Variants in TENT2 observed in about 807,000 individuals in gnomAD.
The protein encoded by TENT2 is poly(A) RNA polymerase GLD2.
In TENT2, 44 loss-of-function variants were observed where a neutral mutation model predicts 72.2. The ratio of observed to expected loss-of-function variants is 0.61; its 90% confidence interval spans 0.48 to 0.78. TENT2 has a LOEUF of 0.78. Among genes scored for constraint, TENT2 ranks in the 30% least tolerant of loss-of-function variants. The pLI, the probability that TENT2 is intolerant of heterozygous loss-of-function variation, is 0.00. For synonymous variants in TENT2, 212 were observed against 192.5 expected, an observed-to-expected ratio of 1.10 and a Z score of -0.84; for missense variants, 541 against 569.6, an observed-to-expected ratio of 0.95 and a Z score of 0.51.
intron 11 of TENT2, among the ~76,000 whole-genome samples, chr5:79,662,331 G>T (rs577632988): frequency 1.3e-5 from 2 of 152,190 alleles, no homozygotes; most frequent in South Asian, 4.1e-4. Context: ...TTCTGTTCAT[G>T]TTGATATTTT....
chr5:79,646,161 T>G (rs1162032547), intron 8 of TENT2, among the ~76,000 whole-genome samples: 1 of 152,118 alleles, frequency 6.6e-6, no homozygotes, highest in Non-Finnish European at 1.5e-5. Flanking sequence ...CCAAGCATAG[T>G]GTGGAGTTAC....
chr5:79,645,251 C>T, intron 8 of TENT2, 59 bp downstream of exon 8: 1 of 1,275,720 alleles, frequency 7.8e-7, no homozygotes, highest in Non-Finnish European at 1.1e-6. Flanking sequence ...AGATACTCAT[C>T]TGATAAAGAT....
At chr5:79,632,855 A>G (rs934937534) in intron 4 of TENT2, among the ~76,000 whole-genome samples, 3 of 152,218 alleles carry the variant, frequency 2.0e-5, no homozygotes, top group Non-Finnish European at 2.9e-5. Flanking sequence ...AAAAGAGATC[A>G]AATAAAAACT....
At chr5:79,661,039 A>G (rs1802463935) in intron 11 of TENT2, among the ~76,000 whole-genome samples, 1 of 152,230 alleles carries the variant, frequency 6.6e-6, no homozygotes, top group Non-Finnish European at 1.5e-5. Context: ...GAATAAGGAT[A>G]TAAAGAAAGA....
intron 4 of TENT2, among the ~76,000 whole-genome samples, chr5:79,630,361 G>A (rs1405336280): frequency 6.6e-6 from 1 of 152,170 alleles, no homozygotes; most frequent in African/African-American, 2.4e-5. Flanking sequence ...GGGAGGCCAA[G>A]GTGGGTGGAT....
chr5:79,666,677 T>A (rs1808348384), intron 11 of TENT2, among the ~76,000 whole-genome samples: 1 of 152,218 alleles, frequency 6.6e-6, no homozygotes, highest in Admixed American at 6.5e-5. Context: ...TATTTGATAA[T>A]AACCTAAATT....
intron 10 of TENT2, among the ~76,000 whole-genome samples, chr5:79,653,044 C>CAT: frequency 6.6e-6 from 1 of 152,124 alleles, no homozygotes; most frequent in East Asian, 1.9e-4. Flanking sequence ...TTGACTAAAG[C>CAT]ATTTAGCATA....
chr5:79,638,529 A>G (rs1006422079), intron 4 of TENT2, among the ~76,000 whole-genome samples: 1 of 152,064 alleles, frequency 6.6e-6, no homozygotes, highest in Non-Finnish European at 1.5e-5. Context: ...TTTACCTATG[A>G]ATTGTAGCCT....
chr5:79,641,275 A>G, intron 6 of TENT2, 79 bp downstream of exon 6: 1 of 1,245,294 alleles, frequency 8.0e-7, no homozygotes, highest in South Asian at 1.6e-5. Flanking sequence ...TCATTGAGGG[A>G]AAAAACTTGC....
rs1791480343 is a variant in TENT2, at chr5:79,649,080, C to T, written c.917C>T (p.Pro306Leu). The change falls in exon 10 of 15, where the codon CCG becomes CTG. Residue 306 changes from proline (P) to leucine (L), a missense_variant. Transcript: ENST00000453514. ...TYAYLENRVR[P>L]LVLVIKKWAS... ...CTTTCAGTTGAAAATCGAGTTCGTCCGTTAGTGCTGGTGATTAAGAAGTGG... is the reference window on the plus strand; with the variant it reads ...CTTTCAGTTGAAAATCGAGTTCGTCTGTTAGTGCTGGTGATTAAGAAGTGG... 20 of 1,613,030 alleles carry T rather than the reference C, an allele frequency of 1.2e-5. No homozygotes were observed. The highest frequency in any genetic ancestry group is 1.7e-5 in the Admixed American group (1 of 59,836).
intron 10 of TENT2, among the ~76,000 whole-genome samples, chr5:79,653,292 C>CTGAGCAATATAG (rs1795531244): frequency 6.6e-6 from 1 of 151,700 alleles, no homozygotes; most frequent in Admixed American, 6.6e-5. Flanking sequence ...TGAGACCAGC[C>CTGAGCAATATAG]TGAGCAATAT....
chr5:79,682,411 C>T (rs966451944), intron 14 of TENT2, among the ~76,000 whole-genome samples: 4 of 151,664 alleles, frequency 2.6e-5, no homozygotes, highest in Admixed American at 1.3e-4. Flanking sequence ...TCCCAGATAG[C>T]TTGGATTACA....
intron 12 of TENT2, among the ~76,000 whole-genome samples, chr5:79,674,404 A>AAAAC (rs578241609): frequency 2.0e-4 from 31 of 152,358 alleles, no homozygotes; most frequent in South Asian, 6.2e-4. Context: ...CCCCTCCTAA[A>AAAAC]AAACAAACAA....
chr5:79,648,855 A>G, intron 9 of TENT2, 162 bp downstream of exon 9: 1 of 789,018 alleles, frequency 1.3e-6, no homozygotes, highest in Non-Finnish European at 2.0e-6. Context: ...TGTCAGTTAT[A>G]GGTGAATCAA....
At chr5:79,638,873 A>G (rs887572531) in intron 4 of TENT2, among the ~76,000 whole-genome samples, 4 of 152,202 alleles carry the variant, frequency 2.6e-5, no homozygotes, top group Non-Finnish European at 5.9e-5. Flanking sequence ...ATTTAAAAAA[A>G]TGTTATGCTT....
intron 14 of TENT2, 67 bp downstream of exon 14, chr5:79,682,128 A>G: frequency 9.2e-7 from 1 of 1,092,258 alleles, no homozygotes; most frequent in Non-Finnish European, 1.4e-6. Flanking sequence ...AGGAAAAAAT[A>G]CGTGTGTAGT....
chr5:79,674,588 A>G (rs1022589911), intron 12 of TENT2, among the ~76,000 whole-genome samples: 1 of 152,186 alleles, frequency 6.6e-6, no homozygotes, highest in African/African-American at 2.4e-5. Context: ...TTCTTAGGAG[A>G]TATATACTGA....
intron 12 of TENT2, among the ~76,000 whole-genome samples, chr5:79,672,678 A>G (rs1332121443): frequency 6.6e-6 from 1 of 152,244 alleles, no homozygotes; most frequent in African/African-American, 2.4e-5. Flanking sequence ...TATTGTGGAT[A>G]AGTACCACCT....
chr5:79,643,128 C>A, intron 7 of TENT2: 1 of 293,480 alleles, frequency 3.4e-6, no homozygotes, highest in Non-Finnish European at 5.1e-6. Flanking sequence ...ATACCACCTG[C>A]TGCAGTGGGG....
Sources: allele counts gnomAD v4.1 joint callset (sites outside exome capture counted in the v4.1 genomes callset), GRCh38; gene constraint gnomAD v4.1.1; transcripts MANE v1.5; gene names NCBI Gene and HGNC (gene_info 2026-07-23, HGNC 2026-07-21).